Variants in FBXO36 observed in about 807,000 individuals in gnomAD.
FBXO36 encodes F-box only protein 36.
Under a neutral mutation model 17.0 loss-of-function variants are expected in FBXO36, and 18 were observed. The observed-to-expected ratio is 1.06, with a 90% CI of 0.73 to 1.57. The LOEUF is 1.57. Ranked by LOEUF, FBXO36 falls within the 40% of genes most tolerant of loss-of-function variation. The probability of loss-of-function intolerance (pLI) is 0.00; values close to 1 mark genes in which losing one functional copy is unlikely to be tolerated. For missense variants in FBXO36, 229 were observed against 221.9 expected, an observed-to-expected ratio of 1.03 and a Z score of -0.20; for synonymous variants, 83 against 85.3, an observed-to-expected ratio of 0.97 and a Z score of 0.15.
chr2:229,998,802 T>G (rs1386135509), intron 3 of FBXO36, among the ~76,000 whole-genome samples: 4 of 143,222 alleles, frequency 2.8e-5, no homozygotes, highest in Non-Finnish European at 6.1e-5. Flanking sequence ...AAAACATAAT[T>G]TTTTTTTTTT....
chr2:229,980,673 G>A (rs1403206856), intron 2 of FBXO36, among the ~76,000 whole-genome samples: 11 of 152,046 alleles, frequency 7.2e-5, no homozygotes, highest in Non-Finnish European at 2.9e-5. Context: ...ACTACTTGAG[G>A]GGTTCTGATA....
intron 1 of FBXO36, among the ~76,000 whole-genome samples, chr2:229,927,635 T>C (rs2076919966): frequency 2.0e-5 from 3 of 152,020 alleles, no homozygotes; most frequent in Non-Finnish European, 2.9e-5. Flanking sequence ...CAATATGTTA[T>C]AGTTAACTCC....
chr2:229,926,028 A>G (rs1318040758), intron 1 of FBXO36, among the ~76,000 whole-genome samples: 2 of 151,864 alleles, frequency 1.3e-5, no homozygotes, highest in African/African-American at 4.8e-5. Flanking sequence ...AGTGGCTCAA[A>G]CCTGTAATCC....
chr2:229,944,093 C>T (rs2077014197), intron 1 of FBXO36, among the ~76,000 whole-genome samples: 1 of 152,178 alleles, frequency 6.6e-6, no homozygotes, highest in Non-Finnish European at 1.5e-5. Flanking sequence ...CCTCCCCAGC[C>T]ATGCTTCCTG....
At chr2:229,922,777 C>A (rs935409722) in intron 1 of FBXO36, among the ~76,000 whole-genome samples, 168 bp downstream of exon 1, 1 of 152,228 alleles carries the variant, frequency 6.6e-6, no homozygotes, top group African/African-American at 2.4e-5. Flanking sequence ...CTCGGTCCGA[C>A]GGCCCGCGTG....
intron 1 of FBXO36, among the ~76,000 whole-genome samples, chr2:229,963,327 GTGCTGGGAT>G (rs1385699472): frequency 6.6e-6 from 1 of 151,976 alleles, no homozygotes; most frequent in African/African-American, 2.4e-5. Flanking sequence ...GCCTCCCAAA[GTGCTGGGAT>G]TACAGATGTG....
chr2:229,928,732 T>A (rs987912751), intron 1 of FBXO36, among the ~76,000 whole-genome samples: 1 of 152,182 alleles, frequency 6.6e-6, no homozygotes, highest in African/African-American at 2.4e-5. Flanking sequence ...ATTTTGCAAT[T>A]TTCCTTGCAA....
chr2:229,965,648 A>G (rs1281103478), intron 1 of FBXO36, among the ~76,000 whole-genome samples: 1 of 151,046 alleles, frequency 6.6e-6, no homozygotes, highest in East Asian at 2.0e-4. Context: ...TCCTTGCAAT[A>G]GTTTGCTGAG....
intron 2 of FBXO36, among the ~76,000 whole-genome samples, chr2:229,995,407 A>T (rs1423051416): frequency 6.6e-6 from 1 of 152,134 alleles, no homozygotes; most frequent in African/African-American, 2.4e-5. Flanking sequence ...GTGAACAGGT[A>T]CAGAAAATAT....
At chr2:229,966,512 A>C (rs1273182748) in intron 1 of FBXO36, among the ~76,000 whole-genome samples, 1 of 152,168 alleles carries the variant, frequency 6.6e-6, no homozygotes, top group Non-Finnish European at 1.5e-5. Context: ...TTATGGTTTT[A>C]GGTCTAACAT....
At chr2:229,935,143 G>C (rs1469894588) in intron 1 of FBXO36, among the ~76,000 whole-genome samples, 1 of 152,190 alleles carries the variant, frequency 6.6e-6, no homozygotes, top group African/African-American at 2.4e-5. Context: ...GAAAGCATCT[G>C]TCATCACTGA....
In FBXO36 at chr2:230,011,303, A is replaced by G. The variant is rs1216463916; in HGVS notation, c.*419A>G. The G allele has an allele frequency of 6.4e-6, 1 of 155,058 alleles. No homozygotes were observed. Among genetic ancestry groups the G allele is most frequent in the East Asian group, 1.9e-4 (1 of 5,304 alleles). The allele number at this position is 155,058 out of a possible 1,614,324, so 9.6% of individuals were successfully genotyped here. On this transcript the variant is annotated 3_prime_UTR_variant, in exon 4 of 4. Coordinates refer to ENST00000283946, the MANE Select transcript of FBXO36 (RefSeq NM_174899.5). Reference sequence around the variant, plus strand: ...GGCATTGTGTCGTCTGCGTCCAGCCATGAAGCTGGTGGCTGAGTGTCCCCA... The same window carrying G: ...GGCATTGTGTCGTCTGCGTCCAGCCGTGAAGCTGGTGGCTGAGTGTCCCCA...
At chr2:229,986,678 G>A (rs1431034577) in intron 2 of FBXO36, among the ~76,000 whole-genome samples, 1 of 151,384 alleles carries the variant, frequency 6.6e-6, no homozygotes, top group Non-Finnish European at 1.5e-5. Context: ...GGGACTACAG[G>A]CACCCACCAC....
intron 1 of FBXO36, among the ~76,000 whole-genome samples, chr2:229,934,835 C>T (rs941404001): frequency 6.6e-6 from 1 of 151,824 alleles, no homozygotes; most frequent in Non-Finnish European, 1.5e-5. Flanking sequence ...TCATGTTTTT[C>T]GTAGAGATGG....
At chr2:229,944,704 T>C (rs1256930341) in intron 1 of FBXO36, among the ~76,000 whole-genome samples, 2 of 151,606 alleles carry the variant, frequency 1.3e-5, no homozygotes, top group Non-Finnish European at 2.9e-5. Flanking sequence ...ACCATTCTCC[T>C]GCTTCAGCCT....
Position 229,922,535 on chromosome 2 carries a change from A to G in FBXO36, c.22A>G (p.Thr8Ala), listed in dbSNP as rs1553798655. The G allele has an allele frequency of 1.9e-6, 3 of 1,612,992 alleles. No individual in the cohort carries two copies. Among genetic ancestry groups the G allele is most frequent in the South Asian group, 1.1e-5 (1 of 91,036 alleles). Residue 8 changes from threonine (T) to alanine (A), a missense_variant, in exon 1 of 4, where the codon ACT becomes GCT. By Grantham distance (58) the Thr-to-Ala change is moderately conservative. Coordinates refer to ENST00000283946, the MANE Select transcript of FBXO36 (RefSeq NM_174899.5). MASWLPE[T>A]LFETVGQGPP... ...CAAGATGGCGTCGTGGCTGCCGGAG[A>G]CTCTCTTTGAAACTGTAGGACAAGG...
At chr2:229,983,610 G>C (rs979680893) in intron 2 of FBXO36, among the ~76,000 whole-genome samples, 5 of 152,082 alleles carry the variant, frequency 3.3e-5, no homozygotes, top group African/African-American at 1.2e-4. Flanking sequence ...CCTGGCCCAG[G>C]TTTGCATTTT....
At chr2:229,931,922 T>TA (rs1560429648) in intron 1 of FBXO36, among the ~76,000 whole-genome samples, 11 of 148,896 alleles carry the variant, frequency 7.4e-5, no homozygotes, top group African/African-American at 2.8e-4. Context: ...GTGTATATAT[T>TA]TTTTTTTTTT....
At chr2:229,965,147 C>CTTT (rs34600346) in intron 1 of FBXO36, among the ~76,000 whole-genome samples, 26 of 121,154 alleles carry the variant, frequency 2.1e-4, no homozygotes, top group Admixed American at 2.9e-4. Flanking sequence ...TTCTTCCTTC[C>CTTT]TTTTTTTTTT....
Sources: gnomAD v4.1 joint callset for allele counts (sites outside exome capture counted in the v4.1 genomes callset) on GRCh38, gnomAD v4.1.1 for gene constraint, MANE v1.5 for transcripts, NCBI Gene and HGNC (gene_info 2026-07-23, HGNC 2026-07-21) for gene names.